CARMIL1: variants seen among roughly 807,000 people sequenced by gnomAD.
The protein encoded by CARMIL1 is F-actin-uncapping protein LRRC16A.
In CARMIL1, 90 loss-of-function variants were observed where a neutral mutation model predicts 177.1. The observed-to-expected ratio is 0.51, with a 90% confidence interval of 0.43 to 0.61. CARMIL1 has a LOEUF of 0.61. Ranked by LOEUF, CARMIL1 falls within the 20% of genes least tolerant of loss-of-function variation. The pLI is 0.00. For missense variants in CARMIL1, 1,380 were observed against 1,667.0 expected (o/e 0.83, Z 3.00); for synonymous variants, 577 against 606.2 (o/e 0.95, Z 0.71).
chr6:25,604,993 G>T, intron 34 of CARMIL1, 100 bp downstream of exon 34: 1 of 875,660 alleles, frequency 1.1e-6, no homozygotes. Context: ...AGGGAGGCAA[G>T]AACTGATCTC....
At chr6:25,302,427 T>C (rs1039168633) in intron 2 of CARMIL1, among the ~76,000 whole-genome samples, 14 of 152,232 alleles carry the variant, frequency 9.2e-5, no homozygotes, top group Admixed American at 2.6e-4. Flanking sequence ...AAGAGCATAA[T>C]CAGGATTCTC....
chr6:25,465,707 G>C, intron 8 of CARMIL1, 166 bp from the exon 9 acceptor site: 1 of 581,414 alleles, frequency 1.7e-6, no homozygotes, highest in South Asian at 2.3e-5. Flanking sequence ...TGGGAACTTT[G>C]AAGATCAGTC....
intron 5 of CARMIL1, among the ~76,000 whole-genome samples, chr6:25,441,373 CTA>C (rs1342844468): frequency 0.024 from 1,415 of 58,900 alleles, 15 homozygotes; most frequent in Middle Eastern, 0.062. Flanking sequence ...GTGTGTGTGT[CTA>C]TGTGTGTGTG....
At chr6:25,431,964 C>T (rs1317303933) in intron 4 of CARMIL1, among the ~76,000 whole-genome samples, 2 of 152,128 alleles carry the variant, frequency 1.3e-5, no homozygotes, top group African/African-American at 4.8e-5. Flanking sequence ...TACTAGTAAC[C>T]TAATGGTATT....
chr6:25,367,365 G>T (rs1482092231), intron 2 of CARMIL1, among the ~76,000 whole-genome samples: 8 of 152,166 alleles, frequency 5.3e-5, no homozygotes, highest in African/African-American at 1.9e-4. Flanking sequence ...GCTGCTGAGT[G>T]GGGTGAAGAC....
At chr6:25,548,405 A>G (rs1217358574) in intron 26 of CARMIL1, among the ~76,000 whole-genome samples, 1 of 152,194 alleles carries the variant, frequency 6.6e-6, no homozygotes, top group Non-Finnish European at 1.5e-5. Context: ...GGGGAGGACA[A>G]TACTTTGCAG....
chr6:25,393,128 A>T (rs1299516202), intron 2 of CARMIL1, among the ~76,000 whole-genome samples: 6 of 152,106 alleles, frequency 3.9e-5, no homozygotes, highest in Admixed American at 3.9e-4. Context: ...ATAACTTACG[A>T]ATTGCATGAT....
At chr6:25,609,323 T>G (rs1433375404) in intron 35 of CARMIL1, among the ~76,000 whole-genome samples, 2 of 151,792 alleles carry the variant, frequency 1.3e-5, no homozygotes, top group African/African-American at 4.8e-5. Context: ...AAAATTAGCC[T>G]GGCATGGTGG....
At chr6:25,390,313 TATATATA>T (rs1372099705) in intron 2 of CARMIL1, among the ~76,000 whole-genome samples, 785 of 45,050 alleles carry the variant, frequency 0.017, 6 homozygotes, top group African/African-American at 0.037. Flanking sequence ...TATATATATA[TATATATA>T]TTTTTTTTTT....
chr6:25,420,292 CCTCACTT>C, intron 3 of CARMIL1, 128 bp downstream of exon 3: 1 of 857,596 alleles, frequency 1.2e-6, no homozygotes, highest in Non-Finnish European at 2.0e-6. Context: ...CACACACACA[CCTCACTT>C]ACATAGACTT....
intron 6 of CARMIL1, 49 bp downstream of exon 6, chr6:25,450,044 C>A (rs773324589): frequency 6.9e-7 from 1 of 1,447,552 alleles, no homozygotes; most frequent in Non-Finnish European, 9.4e-7. Flanking sequence ...ATGGATATCC[C>A]CCTGCCAGGA....
At chr6:25,306,941 C>T (rs150631109) in intron 2 of CARMIL1, among the ~76,000 whole-genome samples, 32 of 148,116 alleles carry the variant, frequency 2.2e-4, no homozygotes, top group African/African-American at 5.3e-4. Flanking sequence ...TGCACTGGCA[C>T]GATCTCGGCT....
At chr6:25,488,669 A>T (rs1582123969) in intron 13 of CARMIL1, 84 bp downstream of exon 13, 3 of 1,071,450 alleles carry the variant, frequency 2.8e-6, no homozygotes, top group Non-Finnish European at 4.3e-6. Flanking sequence ...TTTGTAGTGC[A>T]TTTTCCTGCC....
intron 32 of CARMIL1, among the ~76,000 whole-genome samples, chr6:25,599,597 T>C (rs1167389007): frequency 6.6e-6 from 1 of 152,178 alleles, no homozygotes; most frequent in Non-Finnish European, 1.5e-5. Flanking sequence ...TCTCTGCCTT[T>C]TGGAACCAAA....
chr6:25,472,538 AT>A lies in CARMIL1; in HGVS notation c.874+19del. 6.6e-7 allele frequency: 1 copy of A among 1,510,344 alleles called. No homozygotes were observed. The highest frequency in any genetic ancestry group is 9.0e-7 in the Non-Finnish European group (1 of 1,107,998). 93.6% of individuals were successfully genotyped at this position (1,510,344 alleles called of 1,614,324 possible). On this transcript the variant is annotated intron_variant, in intron 11 of 36. Transcript: ENST00000329474. ...AGGATAGAGGTACTGCAGAGTTCTC[AT>A]TATCATTGATGCCAGAATTGTAAGA... is the stretch of plus-strand genomic sequence containing the variant.
At chr6:25,350,434 C>T (rs1280645071) in intron 2 of CARMIL1, among the ~76,000 whole-genome samples, 1 of 152,102 alleles carries the variant, frequency 6.6e-6, no homozygotes, top group African/African-American at 2.4e-5. Context: ...GCACTGGGGC[C>T]ACCGTCTCAC....
chr6:25,462,658 C>T (rs1394572456), intron 8 of CARMIL1, among the ~76,000 whole-genome samples: 2 of 152,186 alleles, frequency 1.3e-5, no homozygotes, highest in African/African-American at 4.8e-5. Context: ...TGGTTTCCTT[C>T]TGATCTTTTA....
chr6:25,310,335 T>G (rs1033949081), intron 2 of CARMIL1, among the ~76,000 whole-genome samples: 2 of 152,316 alleles, frequency 1.3e-5, no homozygotes, highest in Non-Finnish European at 2.9e-5. Flanking sequence ...GGCCACCATA[T>G]CCAAGCTGCG....
intron 2 of CARMIL1, among the ~76,000 whole-genome samples, chr6:25,302,572 C>A (rs192777718): frequency 6.6e-6 from 1 of 152,180 alleles, no homozygotes; most frequent in East Asian, 1.9e-4. Flanking sequence ...GAATATTTGC[C>A]CAGTAAGTCA....
Sources: allele counts gnomAD v4.1 joint callset (sites outside exome capture counted in the v4.1 genomes callset), GRCh38; gene constraint gnomAD v4.1.1; transcripts MANE v1.5; gene names NCBI Gene and HGNC (gene_info 2026-07-23, HGNC 2026-07-21).